The following FHIT variants were observed in gnomAD, a reference collection of about 807,000 sequenced individuals.
FHIT encodes the protein fragile histidine triad diadenosine triphosphatase.
FHIT carries 19 observed loss-of-function variants against 17.9 expected under a neutral mutation model. The observed-to-expected ratio is 1.06, with a 90% CI of 0.74 to 1.56. The LOEUF is 1.56. Ranked by LOEUF, FHIT falls within the 40% of genes most tolerant of loss-of-function variation. The pLI, the probability that FHIT is intolerant of heterozygous loss-of-function variation, is 0.00. For missense variants in FHIT, 248 were observed against 189.2 expected, an observed-to-expected ratio of 1.31 and a Z score of -1.82; for synonymous variants, 81 against 69.7, an observed-to-expected ratio of 1.16 and a Z score of -0.81.
At chr3:60,840,192 G>C (rs147478971) in intron 3 of FHIT, among the ~76,000 whole-genome samples, 37 of 152,268 alleles carry the variant, frequency 2.4e-4, no homozygotes, top group African/African-American at 6.7e-4. Context: ...AATAGACAGC[G>C]AGGAAGGAGC....
chr3:60,334,502 T>A (rs1710141292), intron 5 of FHIT, among the ~76,000 whole-genome samples: 1 of 152,204 alleles, frequency 6.6e-6, no homozygotes, highest in African/African-American at 2.4e-5. Flanking sequence ...AAAACTGATG[T>A]ATTGGCCAGC....
At chr3:60,026,106 T>C (rs1366202134) in intron 5 of FHIT, among the ~76,000 whole-genome samples, 1 of 152,148 alleles carries the variant, frequency 6.6e-6, no homozygotes, top group African/African-American at 2.4e-5. Flanking sequence ...TGGGGCATTT[T>C]AAAAACAGTC....
chr3:60,604,128 G>C (rs534398753), intron 4 of FHIT, among the ~76,000 whole-genome samples: 20 of 152,238 alleles, frequency 1.3e-4, no homozygotes, highest in African/African-American at 4.8e-4. Context: ...AGGCTATCAA[G>C]GCCAGCTTTT....
intron 5 of FHIT, among the ~76,000 whole-genome samples, chr3:60,040,620 GA>G (rs1342590836): frequency 1.3e-5 from 2 of 152,120 alleles, no homozygotes; most frequent in Non-Finnish European, 2.9e-5. Context: ...CAGAATCTGT[GA>G]AATTGGTTCG....
At chr3:60,671,122 G>A (rs1412442346) in intron 4 of FHIT, among the ~76,000 whole-genome samples, 3 of 152,126 alleles carry the variant, frequency 2.0e-5, no homozygotes, top group Admixed American at 6.6e-5. Context: ...TGTCTTCAAG[G>A]AACACATGGT....
intron 7 of FHIT, among the ~76,000 whole-genome samples, chr3:59,983,542 G>A (rs531122919): frequency 2.6e-5 from 4 of 152,166 alleles, no homozygotes; most frequent in South Asian, 2.1e-4. Context: ...AAACTTCATC[G>A]TAACTATGTA....
At chr3:59,959,420 G>A (rs2107338334) in intron 7 of FHIT, among the ~76,000 whole-genome samples, 1 of 152,182 alleles carries the variant, frequency 6.6e-6, no homozygotes, top group East Asian at 1.9e-4. Context: ...AATGTATGTA[G>A]AAGATTTTAG....
At chr3:59,987,050 A>AT (rs1243540791) in intron 7 of FHIT, among the ~76,000 whole-genome samples, 2 of 62,926 alleles carry the variant, frequency 3.2e-5, no homozygotes, top group Admixed American at 1.5e-4. Flanking sequence ...AATATATAAA[A>AT]ATATAAAATA....
chr3:60,299,543 C>T (rs964717463), intron 5 of FHIT, among the ~76,000 whole-genome samples: 1 of 152,144 alleles, frequency 6.6e-6, no homozygotes, highest in South Asian at 2.1e-4. Context: ...GCCACTTTTG[C>T]CTGCCTGGGA....
chr3:60,593,805 G>T (rs2107700573), intron 4 of FHIT, among the ~76,000 whole-genome samples: 1 of 152,076 alleles, frequency 6.6e-6, no homozygotes, highest in South Asian at 2.1e-4. Context: ...CAGCCAATGT[G>T]GAAAAACATT....
intron 8 of FHIT, among the ~76,000 whole-genome samples, chr3:59,877,229 T>C (rs1703204777): frequency 1.3e-5 from 2 of 152,088 alleles, no homozygotes. Flanking sequence ...TTGGAACTTT[T>C]TGAATCATGA....
At chr3:60,312,772 A>G (rs992536271) in intron 5 of FHIT, among the ~76,000 whole-genome samples, 1 of 152,218 alleles carries the variant, frequency 6.6e-6, no homozygotes, top group Non-Finnish European at 1.5e-5. Context: ...ATGTATATAC[A>G]TACGTATATA....
chr3:61,015,479 T>C (rs1348252154), intron 3 of FHIT, among the ~76,000 whole-genome samples: 1 of 152,206 alleles, frequency 6.6e-6, no homozygotes, highest in African/African-American at 2.4e-5. Flanking sequence ...GATCTCTTTT[T>C]ATCTAATTAA....
intron 4 of FHIT, among the ~76,000 whole-genome samples, chr3:60,619,956 T>A (rs1202255971): frequency 6.6e-6 from 1 of 151,962 alleles, no homozygotes; most frequent in South Asian, 2.1e-4. Flanking sequence ...TTTTTTAAAG[T>A]CTTAAAACTC....
chr3:60,644,081 T>C (rs2039793831), intron 4 of FHIT, among the ~76,000 whole-genome samples: 1 of 152,202 alleles, frequency 6.6e-6, no homozygotes, highest in African/African-American at 2.4e-5. Flanking sequence ...TTCCCTCACA[T>C]ATCTAACTAG....
intron 5 of FHIT, among the ~76,000 whole-genome samples, chr3:60,043,663 T>G (rs981592706): frequency 7.3e-6 from 1 of 136,484 alleles, no homozygotes; most frequent in Non-Finnish European, 1.7e-5. Context: ...CTGTGCATGT[T>G]ATAGATAGAC....
intron 3 of FHIT, among the ~76,000 whole-genome samples, chr3:60,984,354 A>C (rs568786036): frequency 6.6e-5 from 10 of 152,368 alleles, no homozygotes; most frequent in African/African-American, 1.9e-4. Context: ...CATTAATTAC[A>C]GAGAAGATGC....
At chr3:61,067,045 T>C (rs2034636330) in intron 2 of FHIT, among the ~76,000 whole-genome samples, 1 of 152,146 alleles carries the variant, frequency 6.6e-6, no homozygotes, top group African/African-American at 2.4e-5. Context: ...TGGTTTTGAG[T>C]AAGGCCTAAA....
At chr3:60,301,041 G>A (rs758952422) in intron 5 of FHIT, among the ~76,000 whole-genome samples, 14 of 152,012 alleles carry the variant, frequency 9.2e-5, no homozygotes, top group East Asian at 1.9e-4. Context: ...AGATTCCCCC[G>A]GATCCCTAGA....
Sources: gnomAD v4.1 joint callset for allele counts (sites outside exome capture counted in the v4.1 genomes callset) on GRCh38, gnomAD v4.1.1 for gene constraint, MANE v1.5 for transcripts, NCBI Gene and HGNC (gene_info 2026-07-23, HGNC 2026-07-21) for gene names.